The following OMA1 variants were observed in gnomAD, a reference collection of about 807,000 sequenced individuals.
OMA1 encodes the protein metalloendopeptidase OMA1, mitochondrial.
OMA1 carries 38 observed loss-of-function variants against 30.9 expected under a neutral mutation model. That is an observed-to-expected ratio of 1.23 (90% confidence interval 0.95 to 1.61). The LOEUF (loss-of-function observed/expected upper bound fraction) is 1.61. Ranked by LOEUF, OMA1 falls within the 40% of genes most tolerant of loss-of-function variation. The probability of loss-of-function intolerance (pLI) is 0.00; values close to 1 mark genes in which losing one functional copy is unlikely to be tolerated. For missense variants in OMA1, 461 were observed against 349.2 expected, an observed-to-expected ratio of 1.32 and a Z score of -2.55; for synonymous variants, 173 against 121.9, an observed-to-expected ratio of 1.42 and a Z score of -2.76.
At chr1:58,499,314 C>CAAA (rs58217798) in intron 8 of OMA1, among the ~76,000 whole-genome samples, 379 of 68,788 alleles carry the variant, frequency 5.5e-3, no homozygotes, top group East Asian at 0.012. Context: ...CACATCTCTA[C>CAAA]AAAAAAAAAA....
At chr1:58,509,982 G>A (rs1056403928) in intron 7 of OMA1, among the ~76,000 whole-genome samples, 1 of 152,042 alleles carries the variant, frequency 6.6e-6, no homozygotes, top group Admixed American at 6.6e-5. Context: ...TAATGAGATT[G>A]AGTCAATTAT....
intron 8 of OMA1, among the ~76,000 whole-genome samples, chr1:58,496,226 C>T (rs965892375): frequency 1.3e-5 from 2 of 151,568 alleles, no homozygotes; most frequent in Non-Finnish European, 2.9e-5. Flanking sequence ...CTCTATCTTC[C>T]GCATCAATGA....
At chr1:58,515,342 G>C (rs1246576342) in intron 7 of OMA1, among the ~76,000 whole-genome samples, 1 of 152,080 alleles carries the variant, frequency 6.6e-6, no homozygotes, top group Admixed American at 6.5e-5. Context: ...ACATATGTTG[G>C]TCATTTAATC....
chr1:58,537,062 TTCTCTC>T (rs150887072), intron 2 of OMA1, among the ~76,000 whole-genome samples: 26 of 145,824 alleles, frequency 1.8e-4, no homozygotes, highest in Non-Finnish European at 2.9e-4. Context: ...ACATGCAAAA[TTCTCTC>T]TCTCTCTCTC....
intron 7 of OMA1, among the ~76,000 whole-genome samples, chr1:58,514,576 C>T (rs976669675): frequency 2.0e-5 from 3 of 152,076 alleles, no homozygotes; most frequent in Non-Finnish European, 4.4e-5. Context: ...CCATTAACAC[C>T]CTACACTTGT....
At chr1:58,503,806 C>T (rs1330235631) in intron 8 of OMA1, among the ~76,000 whole-genome samples, 1 of 152,156 alleles carries the variant, frequency 6.6e-6, no homozygotes, top group East Asian at 1.9e-4. Flanking sequence ...TGTTTATAAG[C>T]CACCCAGTCT....
intron 2 of OMA1, 61 bp from the exon 3 acceptor site, chr1:58,536,802 CA>C (rs1282631273): frequency 1.3e-5 from 10 of 796,722 alleles, no homozygotes; most frequent in Admixed American, 1.0e-4. Flanking sequence ...CACTAAAGCT[CA>C]AATGCATACA....
chr1:58,542,252 T>C (rs1179876427), intron 1 of OMA1, among the ~76,000 whole-genome samples: 2 of 152,230 alleles, frequency 1.3e-5, no homozygotes, highest in Admixed American at 6.5e-5. Context: ...ACTTTGTTTT[T>C]ACTTTTTTGA....
chr1:58,522,866 T>A (rs527556241), intron 7 of OMA1, among the ~76,000 whole-genome samples: 1 of 152,310 alleles, frequency 6.6e-6, no homozygotes, highest in Non-Finnish European at 1.5e-5. Context: ...AATGTCTCCA[T>A]CCTTATCTTC....
chr1:58,509,693 GA>G (rs1272322683), intron 7 of OMA1, among the ~76,000 whole-genome samples: 1 of 148,754 alleles, frequency 6.7e-6, no homozygotes, highest in African/African-American at 2.5e-5. Flanking sequence ...TAAAAAAATA[GA>G]AAAAAATTAA....
At chr1:58,536,385 GAA>G in intron 3 of OMA1, 126 bp downstream of exon 3, 1 of 601,854 alleles carries the variant, frequency 1.7e-6, no homozygotes, top group Non-Finnish European at 3.0e-6. Context: ...AGGCCTTCGG[GAA>G]AAAAAAATGC....
intron 8 of OMA1, among the ~76,000 whole-genome samples, chr1:58,495,689 G>A (rs183757174): frequency 4.7e-5 from 7 of 149,710 alleles, no homozygotes; most frequent in African/African-American, 1.2e-4. Context: ...ATTTGCTAAG[G>A]ATCTTCCACC....
intron 7 of OMA1, among the ~76,000 whole-genome samples, chr1:58,511,966 G>A (rs945071351): frequency 2.6e-5 from 4 of 152,036 alleles, no homozygotes; most frequent in Non-Finnish European, 5.9e-5. Flanking sequence ...AGAGTGAAAG[G>A]CAATCTACAG....
At chr1:58,525,325 A>G (rs1401636863) in intron 7 of OMA1, among the ~76,000 whole-genome samples, 1 of 145,838 alleles carries the variant, frequency 6.9e-6, no homozygotes, top group Admixed American at 6.8e-5. Context: ...CCTATGTATA[A>G]GTGGATCTAC....
At chr1:58,535,375 T>A (rs1200809312) in intron 3 of OMA1, among the ~76,000 whole-genome samples, 1 of 152,046 alleles carries the variant, frequency 6.6e-6, no homozygotes, top group Admixed American at 6.5e-5. Flanking sequence ...GGTGGGCAGA[T>A]CACGAGGTCA....
At chr1:58,512,716 A>C (rs551818592) in intron 7 of OMA1, among the ~76,000 whole-genome samples, 1 of 151,802 alleles carries the variant, frequency 6.6e-6, no homozygotes, top group Non-Finnish European at 1.5e-5. Flanking sequence ...GTAGAAGTAG[A>C]GAATAGAATA....
chr1:58,538,452 T>G (rs990733912), intron 2 of OMA1, among the ~76,000 whole-genome samples: 1 of 152,220 alleles, frequency 6.6e-6, no homozygotes, highest in Admixed American at 6.5e-5. Context: ...AACCAGCACT[T>G]CTGATCCATA....
At chr1:58,508,398 G>A (rs1005424301) in intron 7 of OMA1, among the ~76,000 whole-genome samples, 3 of 152,148 alleles carry the variant, frequency 2.0e-5, no homozygotes, top group African/African-American at 4.8e-5. Flanking sequence ...CTGATTCAAC[G>A]ATAATATACG....
At chr1:58,538,668 T>C in intron 2 of OMA1, 127 bp downstream of exon 2, 1 of 511,974 alleles carries the variant, frequency 2.0e-6, no homozygotes, top group East Asian at 3.1e-5. Context: ...ACAGGGGATC[T>C]GGCAAGGTTT....
Sources: gnomAD v4.1 joint callset for allele counts (sites outside exome capture counted in the v4.1 genomes callset) on GRCh38, gnomAD v4.1.1 for gene constraint, MANE v1.5 for transcripts, NCBI Gene and HGNC (gene_info 2026-07-23, HGNC 2026-07-21) for gene names.